The following GSE1 variants were observed in gnomAD, a reference collection of about 807,000 sequenced individuals.
GSE1 encodes genetic suppressor element 1.
GSE1 carries 32 observed loss-of-function variants against 112.6 expected under a neutral mutation model. That is an observed-to-expected ratio of 0.28 (90% confidence interval 0.21 to 0.38). The LOEUF (loss-of-function observed/expected upper bound fraction) is 0.38. Ranked by LOEUF, GSE1 falls within the 10% of genes least tolerant of loss-of-function variation. GSE1 has a pLI of 1.00. For synonymous variants in GSE1, 1,115 were observed against 735.6 expected, an observed-to-expected ratio of 1.52 and a Z score of -8.35; for missense variants, 2,348 against 1,699.2, an observed-to-expected ratio of 1.38 and a Z score of -6.71.
At chr16:85,383,539 CTCTCTCTCTCTCTCTCTCT>C in intron 2 of GSE1, among the ~76,000 whole-genome samples, 1 of 76,040 alleles carries the variant, frequency 1.3e-5, no homozygotes, top group East Asian at 2.7e-4. Flanking sequence ...CTCTCTCTCT[CTCTCTCTCTCTCTCTCTCT>C]CTCTCTCTCT....
chr16:85,351,532 G>T (rs1473245080), intron 1 of GSE1, among the ~76,000 whole-genome samples: 1 of 151,900 alleles, frequency 6.6e-6, no homozygotes, highest in Non-Finnish European at 1.5e-5. Flanking sequence ...GTTGACGGGG[G>T]CTGCTCATAG....
At chr16:85,459,054 A>G (rs1270308488) in intron 2 of GSE1, among the ~76,000 whole-genome samples, 1 of 152,144 alleles carries the variant, frequency 6.6e-6, no homozygotes, top group African/African-American at 2.4e-5. Context: ...GCAGGGACTG[A>G]GACTTTCCGT....
chr16:85,340,037 G>A (rs543063882), intron 1 of GSE1, among the ~76,000 whole-genome samples: 15 of 152,356 alleles, frequency 9.8e-5, no homozygotes, highest in African/African-American at 3.4e-4. Context: ...AGCTTAGACA[G>A]TGGGCTTTAG....
intron 11 of GSE1, among the ~76,000 whole-genome samples, chr16:85,663,970 C>G (rs1040038282): frequency 2.0e-5 from 3 of 152,268 alleles, no homozygotes; most frequent in African/African-American, 7.2e-5. Context: ...GGCTTTTCCT[C>G]TTGCTGGACC....
intron 14 of GSE1, 28 bp from the exon 15 acceptor site, chr16:85,670,967 A>T: frequency 4.2e-6 from 6 of 1,438,432 alleles, no homozygotes; most frequent in Non-Finnish European, 5.9e-6. Context: ...GCATACGGAA[A>T]ATACATCACC....
chr16:85,272,056 G>T (rs559476988), intron 1 of GSE1, among the ~76,000 whole-genome samples: 44 of 152,318 alleles, frequency 2.9e-4, no homozygotes, highest in African/African-American at 9.4e-4. Context: ...GCATGGTGCC[G>T]CCAGCCTGAG....
intron 1 of GSE1, among the ~76,000 whole-genome samples, chr16:85,197,755 C>T (rs1050791420): frequency 2.6e-5 from 4 of 152,198 alleles, no homozygotes; most frequent in African/African-American, 7.2e-5. Context: ...CCCATCTCCT[C>T]GTTGGCCAAG....
intron 2 of GSE1, among the ~76,000 whole-genome samples, chr16:85,466,116 A>T (rs973250596): frequency 6.6e-6 from 1 of 152,192 alleles, no homozygotes; most frequent in African/African-American, 2.4e-5. Context: ...TGGGAATGTG[A>T]GAACACGGGC....
At chr16:85,569,709 G>A (rs1166579289) in intron 1 of GSE1, among the ~76,000 whole-genome samples, 7 of 152,186 alleles carry the variant, frequency 4.6e-5, no homozygotes, top group Non-Finnish European at 1.0e-4. Flanking sequence ...CTGCCGTCTC[G>A]TGTTACGTGT....
intron 2 of GSE1, among the ~76,000 whole-genome samples, chr16:85,642,562 A>G (rs1278687837): frequency 1.3e-5 from 2 of 152,202 alleles, no homozygotes; most frequent in Non-Finnish European, 2.9e-5. Context: ...CATCGGCAGC[A>G]TGGGCTAGGC....
chr16:85,257,803 T>C (rs1039094770), intron 1 of GSE1, among the ~76,000 whole-genome samples: 2 of 152,142 alleles, frequency 1.3e-5, no homozygotes, highest in African/African-American at 4.8e-5. Context: ...TGAGACCCTG[T>C]CTCAAAAACA....
Position 85,246,498 on chromosome 16 carries a change from A to ACCCCCC in GSE1, c.2283+74692_2283+74693insCCCCCC, listed in dbSNP as rs1567636430. ...ACACACACACACACACACACTCTAC[A>ACCCCCC]CACCCCCCCCCCCCCGACGCTGTCT... On this transcript the variant is annotated intron_variant, in intron 1 of 2. Transcript: ENST00000637419. Among the ~76,000 whole-genome samples the ACCCCCC allele has an allele frequency of 9.5e-4, 30 of 31,526 alleles. 1 individual carries two copies. The highest frequency in any genetic ancestry group is 1.8e-3 in the African/African-American group (17 of 9,246). 20.7% of individuals were successfully genotyped at this position (31,526 alleles called of 152,430 possible). A position where few individuals can be genotyped will look rare whatever the true frequency, so the allele number is the denominator to read the frequency against.
At chr16:85,671,209 A>G in intron 15 of GSE1, 111 bp downstream of exon 15, 3 of 600,862 alleles carry the variant, frequency 5.0e-6, no homozygotes, top group Non-Finnish European at 8.9e-6. Flanking sequence ...AGAGATCAAA[A>G]TTTGGCGGAT....
At chr16:85,234,270 A>G (rs1274035768) in intron 1 of GSE1, among the ~76,000 whole-genome samples, 4 of 152,064 alleles carry the variant, frequency 2.6e-5, no homozygotes, top group Non-Finnish European at 2.9e-5. Flanking sequence ...TCTCTGGGCT[A>G]CTGCCTCATT....
intron 2 of GSE1, among the ~76,000 whole-genome samples, chr16:85,646,302 G>A (rs747907304): frequency 1.3e-5 from 2 of 152,272 alleles, no homozygotes; most frequent in Non-Finnish European, 2.9e-5. Context: ...CCTCCCAAGT[G>A]GGGCTTTTGC....
Position 85,655,001 on chromosome 16 carries a change from C to T in GSE1, c.797+10C>T, listed in dbSNP as rs376328397. 40 of 1,505,912 alleles carry T rather than the reference C, an allele frequency of 2.7e-5. No homozygotes were observed. Among genetic ancestry groups the T allele is most frequent in the Admixed American group, 7.0e-5 (4 of 56,838 alleles). The allele number at this position is 1,505,912 out of a possible 1,614,324, so 93.3% of individuals were successfully genotyped here. A position where few individuals can be genotyped will look rare whatever the true frequency, so the allele number is the denominator to read the frequency against. On this transcript the variant is annotated intron_variant, in intron 5 of 15. Transcript: ENST00000253458. ...CCCACCCGGCCTTCAGGTGAGGCAT[C>T]CCCCACGCGCCCTCTCGTCTAGGTG... is the stretch of plus-strand genomic sequence containing the variant.
chr16:85,233,751 C>G (rs1434782637), intron 1 of GSE1, among the ~76,000 whole-genome samples: 1 of 152,176 alleles, frequency 6.6e-6, no homozygotes, highest in Non-Finnish European at 1.5e-5. Flanking sequence ...AGGCATCCAT[C>G]AGACGCTCCT....
At chr16:85,574,794 C>A (rs1047738722) in intron 1 of GSE1, among the ~76,000 whole-genome samples, 1 of 152,248 alleles carries the variant, frequency 6.6e-6, no homozygotes, top group South Asian at 2.1e-4. Flanking sequence ...CTCCTCCTCA[C>A]CCAGCTACAG....
chr16:85,555,325 TCTC>T (rs1213041634), upstream of GSE1: 2 of 984,320 alleles, frequency 2.0e-6, no homozygotes, highest in Non-Finnish European at 2.4e-6. Context: ...GCGAGTTCTT[TCTC>T]CTCCTCCTTC....
Sources: allele counts gnomAD v4.1 joint callset (sites outside exome capture counted in the v4.1 genomes callset), GRCh38; gene constraint gnomAD v4.1.1; transcripts MANE v1.5; gene names NCBI Gene and HGNC (gene_info 2026-07-23, HGNC 2026-07-21).